Variants in GTF3C5 observed in about 807,000 individuals in gnomAD.
GTF3C5 encodes the protein general transcription factor 3C polypeptide 5.
GTF3C5 carries 47 observed loss-of-function variants against 61.0 expected under a neutral mutation model. That is an observed-to-expected ratio of 0.77 (90% CI 0.61 to 0.98). The LOEUF is 0.98. Among genes scored for constraint, GTF3C5 ranks in the 50% least tolerant of loss-of-function variants. GTF3C5 has a pLI of 0.00. For synonymous variants in GTF3C5, 295 were observed against 275.4 expected (o/e 1.07, Z -0.71); for missense variants, 659 against 703.3 (o/e 0.94, Z 0.71).
At chr9:133,041,807 T>C (rs1019304331) in intron 1 of GTF3C5, among the ~76,000 whole-genome samples, 19 of 152,214 alleles carry the variant, frequency 1.2e-4, no homozygotes, top group African/African-American at 4.6e-4. Context: ...CCCTCAAGTG[T>C]TGCCAGAAGG....
intron 4 of GTF3C5, 141 bp downstream of exon 4, chr9:133,051,119 C>T (rs1459060397): frequency 2.9e-5 from 17 of 587,694 alleles, no homozygotes; most frequent in Non-Finnish European, 4.4e-5. Context: ...GAACTTCTCA[C>T]CTTCAGATGC....
Position 133,053,265 on chromosome 9 carries a change from G to A in GTF3C5, c.874-563G>A, listed in dbSNP as rs191598733. 3.9e-3 allele frequency among the ~76,000 whole-genome samples: 594 copies of A among 152,212 alleles called. 5 individuals carry two copies. Among genetic ancestry groups the A allele is most frequent in the Non-Finnish European group, 5.6e-3 (384 of 68,006 alleles). ...CCAGGAACCATGGTAAAGGCTCCAC[G>A]GGCGCTATCTCATTTAATCCTCTGA... On this transcript the variant is annotated intron_variant, in intron 5 of 10. Transcript: ENST00000372097.
At chr9:133,042,422 G>T (rs1238995989) in intron 2 of GTF3C5, 116 bp downstream of exon 2, 5 of 728,794 alleles carry the variant, frequency 6.9e-6, no homozygotes, top group Non-Finnish European at 1.2e-5. Context: ...ATGCCCAGGG[G>T]CTGTGGGGAC....
intron 8 of GTF3C5, chr9:133,055,034 T>A: frequency 6.4e-7 from 1 of 1,551,598 alleles, no homozygotes; most frequent in Non-Finnish European, 8.7e-7. Context: ...TGGTGACAAG[T>A]CTCAGGGAAG....
Position 133,046,156 on chromosome 9 carries a change from T to G in GTF3C5, c.572+2230T>G, listed in dbSNP as rs57867502. Among the ~76,000 whole-genome samples, 1,107 of 152,088 alleles carry G rather than the reference T, an allele frequency of 7.3e-3. 28 individuals are homozygous for G. The East Asian group carries it at 0.096, about 13-fold the overall frequency. ...GCCTGGGCAATATAGCAAGACTCTG[T>G]CTCTACAAAAAAAACTAAAAAAGTT... is the stretch of plus-strand genomic sequence containing the variant. On this transcript the variant is annotated intron_variant, in intron 3 of 10. Transcript: ENST00000372097.
intron 3 of GTF3C5, among the ~76,000 whole-genome samples, chr9:133,045,221 AG>A (rs1325807629): frequency 6.6e-6 from 1 of 152,216 alleles, no homozygotes; most frequent in Non-Finnish European, 1.5e-5. Flanking sequence ...CCTGTGCAGC[AG>A]CGCTGTGAGT....
intron 3 of GTF3C5, among the ~76,000 whole-genome samples, chr9:133,047,011 AT>A (rs1850228830): frequency 6.6e-6 from 1 of 152,046 alleles, no homozygotes; most frequent in Non-Finnish European, 1.5e-5. Flanking sequence ...AGAGAATTGG[AT>A]TGTCTAGTAG....
intron 4 of GTF3C5, 138 bp from the exon 5 acceptor site, chr9:133,051,922 C>T (rs952069590): frequency 5.1e-5 from 27 of 533,972 alleles, no homozygotes; most frequent in African/African-American, 3.0e-4. Flanking sequence ...CCTAGGGCCA[C>T]GCCCTGTGTG....
intron 3 of GTF3C5, chr9:133,044,324 C>G (rs1325581758): frequency 5.3e-6 from 1 of 187,222 alleles, no homozygotes; most frequent in Non-Finnish European, 1.1e-5. Context: ...GAGGACAGTG[C>G]AAAGAACGTG....
chr9:133,051,080 C>G, intron 4 of GTF3C5, 102 bp downstream of exon 4: 1 of 838,308 alleles, frequency 1.2e-6, no homozygotes, highest in South Asian at 1.9e-5. Flanking sequence ...GTTGGCTGCA[C>G]TGACCTTTAC....
chr9:133,037,490 T>TC (rs974894181), intron 1 of GTF3C5, among the ~76,000 whole-genome samples: 1 of 151,970 alleles, frequency 6.6e-6, no homozygotes, highest in Non-Finnish European at 1.5e-5. Context: ...TCTTACTATT[T>TC]CCCCCCGGGG....
intron 3 of GTF3C5, among the ~76,000 whole-genome samples, chr9:133,047,812 G>T (rs1010018764): frequency 6.6e-6 from 1 of 152,294 alleles, no homozygotes; most frequent in East Asian, 1.9e-4. Context: ...GTAAGCCACC[G>T]CACCCAGCCT....
At chr9:133,052,405 C>G (rs966058719) in intron 5 of GTF3C5, among the ~76,000 whole-genome samples, 12 of 135,674 alleles carry the variant, frequency 8.8e-5, no homozygotes, top group African/African-American at 1.9e-4. Context: ...TTCCTTCCCC[C>G]CTGTCCTGGC....
rs1228608981 is a variant in GTF3C5 at position 133,058,250 on chromosome 9, G to A, written c.*270G>A. On this transcript the variant is annotated 3_prime_UTR_variant, in exon 11 of 11. Transcript: ENST00000372097. Reference sequence around the variant, plus strand: ...TGAACCAGCCCAGCATCCAGCCAGTGAGTGGGCACCCAATGCCTCTCAGGA... The same window carrying A: ...TGAACCAGCCCAGCATCCAGCCAGTAAGTGGGCACCCAATGCCTCTCAGGA... 2 of 958,018 alleles carry A rather than the reference G, an allele frequency of 2.1e-6. No individual in the cohort carries two copies. The highest frequency in any genetic ancestry group is 2.7e-6 in the Non-Finnish European group (2 of 737,160). The allele number at this position is 958,018 out of a possible 1,614,324, so 59.3% of individuals were successfully genotyped here. A position where few individuals can be genotyped will look rare whatever the true frequency, so the allele number is the denominator to read the frequency against.
chr9:133,043,796 A>G lies in GTF3C5; in HGVS notation c.442A>G (p.Lys148Glu), dbSNP rs1167175804. The change falls in exon 3 of 11, where the codon AAG becomes GAG. Residue 148 changes from lysine to glutamate, a missense_variant. Coordinates refer to ENST00000372097, the MANE Select transcript of GTF3C5 (RefSeq NM_012087.4). ...CGGCAAGCATACGTCAATGTATGAC[A>G]AGGTGCTCATGCTCCGGCCCGAGAA... ...AGGKHTSMYD[K>E]VLMLRPEKEA... 1.2e-6 allele frequency: 2 copies of G among 1,614,106 alleles called. No homozygotes were observed. Among genetic ancestry groups the G allele is most frequent in the East Asian group, 2.2e-5 (1 of 44,884 alleles).
intron 2 of GTF3C5, among the ~76,000 whole-genome samples, chr9:133,042,925 C>T (rs986136391): frequency 1.3e-5 from 2 of 152,178 alleles, no homozygotes; most frequent in African/African-American, 2.4e-5. Flanking sequence ...ACAGAGCCTG[C>T]GTTCCTTAGG....
chr9:133,038,431 T>G (rs984443022), intron 1 of GTF3C5, among the ~76,000 whole-genome samples: 8 of 143,988 alleles, frequency 5.6e-5, no homozygotes, highest in African/African-American at 1.8e-4. Context: ...GAAGGGACTG[T>G]GGGGGAGACC....
rs752569050 is a variant in GTF3C5 at position 133,043,937 on chromosome 9, C to CTT, written c.572+11_572+12insTT. 12 of 1,602,038 alleles carry CTT rather than the reference C, an allele frequency of 7.5e-6. No individual in the cohort carries two copies. Among genetic ancestry groups the CTT allele is most frequent in the Middle Eastern group, 1.7e-4 (1 of 5,992 alleles). On this transcript the variant is annotated intron_variant, in intron 3 of 10. Coordinates refer to ENST00000372097, the MANE Select transcript of GTF3C5 (RefSeq NM_012087.4). ...AGAGACCCAGCACCGGTAAGGCCCC[C>CTT]CTCCATGCAGCCTCGGTTCTCTATC...
upstream of GTF3C5, chr9:133,030,957 C>T: frequency 6.3e-7 from 1 of 1,585,554 alleles, no homozygotes; most frequent in Non-Finnish European, 8.6e-7. Flanking sequence ...TGAGGCGAGG[C>T]CTTTGGGAGT....
Sources: allele counts gnomAD v4.1 joint callset (sites outside exome capture counted in the v4.1 genomes callset), GRCh38; gene constraint gnomAD v4.1.1; transcripts MANE v1.5; gene names NCBI Gene and HGNC (gene_info 2026-07-23, HGNC 2026-07-21).